TLN2: variants seen among roughly 807,000 people sequenced by gnomAD.
The protein encoded by TLN2 is talin 2, also known as talin-2.
TLN2 carries 118 observed loss-of-function variants against 294.7 expected under a neutral mutation model. The observed-to-expected ratio is 0.40, with a 90% CI of 0.34 to 0.47. TLN2 has a LOEUF of 0.47. Ranked by LOEUF, TLN2 falls within the 20% of genes least tolerant of loss-of-function variation. The pLI, the probability that TLN2 is intolerant of heterozygous loss-of-function variation, is 0.84. For synonymous variants in TLN2, 1,431 were observed against 1,304.5 expected (o/e 1.10, Z -2.09); for missense variants, 3,083 against 3,282.2 (o/e 0.94, Z 1.48).
intron 2 of TLN2, among the ~76,000 whole-genome samples, chr15:62,614,308 T>A (rs2048141581): frequency 6.6e-6 from 1 of 152,228 alleles, no homozygotes; most frequent in Admixed American, 6.5e-5. Flanking sequence ...GGGAGAACGA[T>A]ATGTCCAAGA....
chr15:62,395,092 T>G (rs1053339901), intron 1 of TLN2, among the ~76,000 whole-genome samples: 1 of 152,040 alleles, frequency 6.6e-6, no homozygotes, highest in Non-Finnish European at 1.5e-5. Context: ...TATTCACTCA[T>G]TCAGTGTATG....
intron 1 of TLN2, among the ~76,000 whole-genome samples, chr15:62,528,812 A>G (rs1484060912): frequency 6.6e-6 from 1 of 151,552 alleles, no homozygotes; most frequent in South Asian, 2.1e-4. Context: ...TTCAGACTGC[A>G]TACGCTCTTC....
intron 2 of TLN2, among the ~76,000 whole-genome samples, chr15:62,602,377 C>G (rs907231925): frequency 3.3e-5 from 5 of 152,156 alleles, no homozygotes; most frequent in African/African-American, 1.2e-4. Flanking sequence ...GATTGCGCCA[C>G]CAATTGGATA....
intron 1 of TLN2, among the ~76,000 whole-genome samples, chr15:62,559,119 G>A (rs1194739394): frequency 2.0e-5 from 3 of 152,170 alleles, no homozygotes; most frequent in African/African-American, 7.2e-5. Context: ...GAGAAGGCAG[G>A]AGAGGAGAAA....
intron 1 of TLN2, among the ~76,000 whole-genome samples, chr15:62,478,801 G>T (rs985356230): frequency 4.6e-5 from 7 of 152,168 alleles, no homozygotes; most frequent in African/African-American, 1.7e-4. Flanking sequence ...TATTAGATAC[G>T]CAGTTCTAGT....
In TLN2 at chr15:62,647,274, G is replaced by C. The variant is rs775166489; in HGVS notation, c.-36-1G>C. On this transcript the variant is annotated splice_acceptor_variant, in intron 3 of 58. Coordinates refer to ENST00000636159, the MANE Select transcript of TLN2 (RefSeq NM_015059.3). LOFTEE classifies it low-confidence loss of function (5UTR_SPLICE). Reference sequence around the variant, plus strand: ...AGGGTTTGTCTCTTTGTGTTTTCCAGACATTCTAAGTGAGACTGTCCACAT... The same window carrying C: ...AGGGTTTGTCTCTTTGTGTTTTCCACACATTCTAAGTGAGACTGTCCACAT... 1 of 1,588,000 alleles carries C rather than the reference G, an allele frequency of 6.3e-7. No individual in the cohort carries two copies. The highest frequency in any genetic ancestry group is 8.6e-7 in the Non-Finnish European group (1 of 1,163,698).
chr15:62,465,506 C>G (rs1405508211), intron 1 of TLN2, among the ~76,000 whole-genome samples: 4 of 152,170 alleles, frequency 2.6e-5, no homozygotes, highest in African/African-American at 9.7e-5. Context: ...TCCCTGTGTT[C>G]TGTCGTTCTC....
In TLN2 at chr15:62,791,479, G is replaced by A. The variant is rs536943953; in HGVS notation, c.5737-1162G>A. Among the ~76,000 whole-genome samples, 27 of 152,304 alleles carry A rather than the reference G, an allele frequency of 1.8e-4. 1 individual carries two copies. The South Asian group carries it at 5.2e-3, about 29-fold the overall frequency. ...CCTTTAAGGGGTTTAAAGGAAGAGA[G>A]TTTTTTCCCTAAAAACAGTGTTTCA... is the stretch of plus-strand genomic sequence containing the variant. On this transcript the variant is annotated intron_variant, in intron 45 of 58. Transcript: ENST00000636159.
At chr15:62,504,647 T>G (rs2039487765) in intron 1 of TLN2, among the ~76,000 whole-genome samples, 1 of 152,218 alleles carries the variant, frequency 6.6e-6, no homozygotes, top group Admixed American at 6.5e-5. Flanking sequence ...ACCTTGATCC[T>G]TAGGTTACAC....
intron 33 of TLN2, among the ~76,000 whole-genome samples, chr15:62,749,010 A>T (rs1355944699): frequency 6.6e-6 from 1 of 152,254 alleles, no homozygotes; most frequent in Non-Finnish European, 1.5e-5. Context: ...ACTCATTTAT[A>T]CTTGAAAAGT....
chr15:62,607,941 T>G (rs1161690952), intron 2 of TLN2, among the ~76,000 whole-genome samples: 1 of 152,202 alleles, frequency 6.6e-6, no homozygotes, highest in East Asian at 1.9e-4. Flanking sequence ...ATGTCTAACC[T>G]CAAGGACCTT....
At chr15:62,763,223 CTTTTTTTTTTTTT>C (rs77149979) in intron 39 of TLN2, 1 of 126,590 alleles carries the variant, frequency 7.9e-6, no homozygotes, top group Admixed American at 7.9e-5. Flanking sequence ...TTTTTTTTTT[CTTTTTTTTTTTTT>C]TTTGAGTAAA....
At chr15:62,757,482 G>C (rs1172376287) in intron 37 of TLN2, among the ~76,000 whole-genome samples, 1 of 152,180 alleles carries the variant, frequency 6.6e-6, no homozygotes, top group Non-Finnish European at 1.5e-5. Context: ...GACCAACGGA[G>C]TAAAAACAGG....
chr15:62,464,317 G>GC (rs1241294690), intron 1 of TLN2, among the ~76,000 whole-genome samples: 2 of 152,100 alleles, frequency 1.3e-5, no homozygotes, highest in Non-Finnish European at 2.9e-5. Flanking sequence ...GCAAACTATC[G>GC]CAAGGACAGA....
rs2070756939 is a variant in TLN2 at position 62,841,983 on chromosome 15, C to CTCTG, written c.*1376_*1377insGTCT. ...ACCCTCCGCCTCTCTCTCTCTCTCT[C>CTCTG]TCTCTGGTGTGCTATCATGTCTTGG... On this transcript the variant is annotated 3_prime_UTR_variant, in exon 59 of 59. Transcript: ENST00000636159. The CTCTG allele has an allele frequency of 6.6e-6, 1 of 152,068 alleles. No homozygotes were observed. The highest frequency in any genetic ancestry group is 2.4e-5 in the African/African-American group (1 of 41,350). 9.4% of individuals were successfully genotyped at this position (152,068 alleles called of 1,614,324 possible). A position where few individuals can be genotyped will look rare whatever the true frequency, so the allele number is the denominator to read the frequency against.
intron 52 of TLN2, among the ~76,000 whole-genome samples, chr15:62,811,164 A>ATT (rs1447091415): frequency 6.6e-6 from 1 of 152,208 alleles, no homozygotes; most frequent in African/African-American, 2.4e-5. Flanking sequence ...ATTTTAGGTC[A>ATT]TTTAAGGGAT....
intron 1 of TLN2, among the ~76,000 whole-genome samples, chr15:62,423,635 C>T (rs1311128709): frequency 1.3e-5 from 2 of 151,586 alleles, no homozygotes; most frequent in Admixed American, 6.6e-5. Flanking sequence ...AGCTGGAGTG[C>T]AGTGGCATGA....
intron 1 of TLN2, among the ~76,000 whole-genome samples, chr15:62,541,731 A>G (rs746699714): frequency 2.6e-5 from 4 of 152,036 alleles, no homozygotes; most frequent in Admixed American, 6.6e-5. Context: ...TTCAGTTTTC[A>G]TTGCATTATA....
intron 50 of TLN2, among the ~76,000 whole-genome samples, chr15:62,802,382 A>G (rs1279353040): frequency 2.0e-5 from 3 of 150,868 alleles, no homozygotes; most frequent in East Asian, 1.9e-4. Flanking sequence ...GTGTCCATCA[A>G]CAGATGAATG....
Sources: gnomAD v4.1 joint callset for allele counts (sites outside exome capture counted in the v4.1 genomes callset) on GRCh38, gnomAD v4.1.1 for gene constraint, MANE v1.5 for transcripts, NCBI Gene and HGNC (gene_info 2026-07-23, HGNC 2026-07-21) for gene names.